Variants in TLE1 observed in about 807,000 individuals in gnomAD.
TLE1 encodes TLE family member 1, transcriptional corepressor, also known as transducin-like enhancer protein 1.
TLE1 carries 21 observed loss-of-function variants against 89.8 expected under a neutral mutation model. The observed-to-expected ratio is 0.23, with a 90% CI of 0.17 to 0.34. The LOEUF is 0.34. Among genes scored for constraint, TLE1 ranks in the 10% least tolerant of loss-of-function variants. The pLI, the probability that TLE1 is intolerant of heterozygous loss-of-function variation, is 1.00. For missense variants in TLE1, 795 were observed against 1,031.2 expected (o/e 0.77, Z 3.14); for synonymous variants, 447 against 407.6 (o/e 1.10, Z -1.16).
intron 4 of TLE1, among the ~76,000 whole-genome samples, chr9:81,666,113 G>A (rs1307437852): frequency 6.6e-6 from 1 of 152,114 alleles, no homozygotes; most frequent in Non-Finnish European, 1.5e-5. Flanking sequence ...TTGTTATGGA[G>A]TTCAGAAAGA....
chr9:81,668,953 CTAGA>C (rs1271419717), intron 4 of TLE1, among the ~76,000 whole-genome samples: 1 of 152,088 alleles, frequency 6.6e-6, no homozygotes, highest in South Asian at 2.1e-4. Context: ...AGAAAACATC[CTAGA>C]TAGTCTTCCA....
intron 13 of TLE1, among the ~76,000 whole-genome samples, chr9:81,610,773 A>T (rs1330095419): frequency 1.4e-5 from 2 of 144,916 alleles, no homozygotes; most frequent in Non-Finnish European, 3.0e-5. Flanking sequence ...TATGATAATC[A>T]AAAGTGTCTC....
rs1210443356 is a variant in TLE1, at chr9:81,689,518, G to A, written c.-1278C>T. Among the ~76,000 whole-genome samples the A allele has an allele frequency of 3.3e-5, 5 of 152,146 alleles. No individual in the cohort carries two copies. The highest frequency in any genetic ancestry group is 9.7e-5 in the African/African-American group (4 of 41,446). On this transcript the variant is annotated 5_prime_UTR_variant, in exon 1 of 20. Coordinates refer to ENST00000376499, the MANE Select transcript of TLE1 (RefSeq NM_005077.5). Reference sequence around the variant, plus strand: ...TGCAGCCGCCGCTCCCACCGCCGCCGCCGCCCGCGCCTCTCGCGCCGCTTA... The same window carrying A: ...TGCAGCCGCCGCTCCCACCGCCGCCACCGCCCGCGCCTCTCGCGCCGCTTA...
rs931505961 is a variant in TLE1, at chr9:81,689,464, C to A, written c.-1224G>T. Among the ~76,000 whole-genome samples, 21 of 152,130 alleles carry A rather than the reference C, an allele frequency of 1.4e-4. No individual in the cohort carries two copies. Among genetic ancestry groups the A allele is most frequent in the Non-Finnish European group, 2.9e-5 (2 of 68,006 alleles). On this transcript the variant is annotated 5_prime_UTR_variant, in exon 1 of 20. Coordinates refer to ENST00000376499, the MANE Select transcript of TLE1 (RefSeq NM_005077.5). ...CCTCCGGGACGCGGGGCACAGAGTA[C>A]CCGCCGCTGTTTCTGCTGCTGCTGC...
At chr9:81,617,131 T>C (rs1255104066) in intron 9 of TLE1, among the ~76,000 whole-genome samples, 2 of 69,466 alleles carry the variant, frequency 2.9e-5, no homozygotes, top group African/African-American at 9.1e-5. Context: ...TACTAGTTAA[T>C]GCAAAAAAAA....
chr9:81,651,349 G>A (rs1319326834), intron 6 of TLE1, among the ~76,000 whole-genome samples: 1 of 152,174 alleles, frequency 6.6e-6, no homozygotes, highest in Admixed American at 6.5e-5. Flanking sequence ...GTGGGGGGCG[G>A]AGGATGAACT....
chr9:81,666,212 G>C (rs1831444526), intron 4 of TLE1, among the ~76,000 whole-genome samples: 1 of 152,038 alleles, frequency 6.6e-6, no homozygotes. Context: ...CTCTGTGGTG[G>C]AGAAAGAAAT....
chr9:81,683,123 C>G (rs1833830203), intron 4 of TLE1, among the ~76,000 whole-genome samples: 1 of 152,044 alleles, frequency 6.6e-6, no homozygotes, highest in South Asian at 2.1e-4. Context: ...CTCACTCCGA[C>G]AAACCCGTTG....
At chr9:81,648,640 T>C (rs955662889) in intron 6 of TLE1, among the ~76,000 whole-genome samples, 25 of 152,342 alleles carry the variant, frequency 1.6e-4, no homozygotes, top group Admixed American at 1.1e-3. Context: ...TCAGAGCAGG[T>C]AGAAGAGAGC....
chr9:81,613,874 C>T (rs1824035535), intron 11 of TLE1, among the ~76,000 whole-genome samples: 1 of 151,650 alleles, frequency 6.6e-6, no homozygotes, highest in Admixed American at 6.6e-5. Flanking sequence ...CATGTCCTGG[C>T]CGCCAAGTCC....
intron 6 of TLE1, among the ~76,000 whole-genome samples, chr9:81,635,002 T>C (rs1052794691): frequency 6.6e-6 from 1 of 152,142 alleles, no homozygotes; most frequent in African/African-American, 2.4e-5. Flanking sequence ...TGAGGAAGTA[T>C]TGCAATTCCC....
Position 81,633,380 on chromosome 9 carries a change from C to T in TLE1, c.578-16G>A, listed in dbSNP as rs753693601. ...GGCTCTCTGTCTGCTCCCGAGGTTA[C>T]CAAGAAACGCACAGACATGCCCGTT... On this transcript the variant is annotated splice_polypyrimidine_tract_variant and intron_variant, in intron 7 of 19. Coordinates refer to ENST00000376499, the MANE Select transcript of TLE1 (RefSeq NM_005077.5). 1.2e-6 allele frequency: 2 copies of T among 1,612,642 alleles called. No homozygotes were observed. The highest frequency in any genetic ancestry group is 2.2e-5 in the South Asian group (2 of 90,994).
chr9:81,677,649 T>G (rs1294672519), intron 4 of TLE1, among the ~76,000 whole-genome samples: 2 of 151,890 alleles, frequency 1.3e-5, no homozygotes, highest in Non-Finnish European at 2.9e-5. Flanking sequence ...CCTAGACTAG[T>G]ATCATAGACT....
chr9:81,639,356 T>C (rs939672548), intron 6 of TLE1, among the ~76,000 whole-genome samples: 1 of 152,014 alleles, frequency 6.6e-6, no homozygotes, highest in African/African-American at 2.4e-5. Flanking sequence ...TAAGCTACCA[T>C]AGCTGGCCTG....
chr9:81,634,340 G>A, intron 6 of TLE1, 39 bp from the exon 7 acceptor site: 1 of 1,439,274 alleles, frequency 6.9e-7, no homozygotes, highest in South Asian at 1.5e-5. Context: ...AGGAGGAGGA[G>A]GAGGAGGTAG....
At chr9:81,592,336 C>G (rs532551814) in intron 15 of TLE1, among the ~76,000 whole-genome samples, 2 of 152,140 alleles carry the variant, frequency 1.3e-5, no homozygotes, top group African/African-American at 4.8e-5. Flanking sequence ...CCAGCCTGGG[C>G]GACAGAGCAA....
At chr9:81,600,390 TC>T (rs1359724852) in intron 14 of TLE1, among the ~76,000 whole-genome samples, 1 of 152,092 alleles carries the variant, frequency 6.6e-6, no homozygotes, top group Non-Finnish European at 1.5e-5. Flanking sequence ...AGGAAGGTCC[TC>T]CCAGCTACTC....
At chr9:81,638,764 C>T (rs1827724356) in intron 6 of TLE1, among the ~76,000 whole-genome samples, 1 of 151,630 alleles carries the variant, frequency 6.6e-6, no homozygotes, top group Non-Finnish European at 1.5e-5. Flanking sequence ...ACCTGGGATT[C>T]CAGGTGCACA....
chr9:81,655,720 C>T (rs1429271691), intron 4 of TLE1, among the ~76,000 whole-genome samples: 3 of 151,780 alleles, frequency 2.0e-5, no homozygotes, highest in African/African-American at 4.8e-5. Context: ...CTTAAAAGCA[C>T]GCAGTCCATG....
Sources: gnomAD v4.1 joint callset for allele counts (sites outside exome capture counted in the v4.1 genomes callset) on GRCh38, gnomAD v4.1.1 for gene constraint, MANE v1.5 for transcripts, NCBI Gene and HGNC (gene_info 2026-07-23, HGNC 2026-07-21) for gene names.